CLIP2: variants seen among roughly 807,000 people sequenced by gnomAD.
CLIP2 encodes CAP-Gly domain-containing linker protein 2.
CLIP2 carries 41 observed loss-of-function variants against 111.7 expected under a neutral mutation model. The ratio of observed to expected loss-of-function variants is 0.37; its 90% CI spans 0.29 to 0.48. CLIP2 has a LOEUF of 0.48. Ranked by LOEUF, CLIP2 falls within the 20% of genes least tolerant of loss-of-function variation. CLIP2 has a pLI of 0.99. For missense variants in CLIP2, 1,160 were observed against 1,422.1 expected (o/e 0.82, Z 2.96); for synonymous variants, 660 against 644.2 (o/e 1.02, Z -0.37).
rs1163550934 is a variant in CLIP2, at chr7:74,323,061, C to CT, written c.121+5398dup. 2.7e-5 allele frequency among the ~76,000 whole-genome samples: 4 copies of CT among 150,424 alleles called. No individual in the cohort carries two copies. The East Asian group carries it at 7.8e-4, about 29-fold the overall frequency. On this transcript the variant is annotated intron_variant, in intron 2 of 16. Transcript: ENST00000223398. Reference sequence around the variant, plus strand: ...CTTTTAAAACTTATTTTTACTGTACCTTTTCTATGTTTAGCTATGTTTTAT... The same window carrying CT: ...CTTTTAAAACTTATTTTTACTGTACCTTTTTCTATGTTTAGCTATGTTTTAT...
In CLIP2 at chr7:74,300,313, G is replaced by A. The variant is rs937060570; in HGVS notation, c.-68+10579G>A. On this transcript the variant is annotated intron_variant, in intron 1 of 16. Transcript: ENST00000223398. Reference sequence around the variant, plus strand: ...CTTCCCACCTTTTGTAGTCTCCAGCGTCTATTATTCCCCTCTGTATTTTCA... The same window carrying A: ...CTTCCCACCTTTTGTAGTCTCCAGCATCTATTATTCCCCTCTGTATTTTCA... Among the ~76,000 whole-genome samples, 3 of 151,846 alleles carry A rather than the reference G, an allele frequency of 2.0e-5. No homozygotes were observed. The East Asian group carries it at 5.8e-4, about 29-fold the overall frequency.
intron 13 of CLIP2, among the ~76,000 whole-genome samples, chr7:74,391,942 C>T (rs1210724165): frequency 1.3e-5 from 2 of 152,150 alleles, no homozygotes; most frequent in Non-Finnish European, 2.9e-5. Flanking sequence ...CATGGTGGCT[C>T]ACACCTGAAA....
Position 74,338,217 on chromosome 7 carries a change from AGG to A in CLIP2, c.122-228_122-227del, listed in dbSNP as rs1789533795. On this transcript the variant is annotated intron_variant, in intron 2 of 16. Coordinates refer to ENST00000223398, the MANE Select transcript of CLIP2 (RefSeq NM_003388.5). The surrounding 1 kb of genome is among the most constrained non-coding windows in gnomAD (Gnocchi z 4.3). ...ACCCTGTCTCAAAAAGTAAATAAAC[AGG>A]GGTTGGGTGTGGTGCCTCACGCCTG... 3.7e-5 allele frequency among the ~76,000 whole-genome samples: 1 copy of A among 26,714 alleles called. No homozygotes were observed. The highest frequency in any genetic ancestry group is 1.5e-3 in the South Asian group (1 of 678). 17.5% of individuals were successfully genotyped at this position (26,714 alleles called of 152,430 possible).
In CLIP2 at chr7:74,400,571, CAG is replaced by C. The variant is rs781952330; in HGVS notation, c.3066+17_3066+18del. The C allele has an allele frequency of 1.1e-5, 17 of 1,521,496 alleles. No individual in the cohort carries two copies. In the East Asian group the frequency reaches 3.9e-4, roughly 35 times the overall value. 94.2% of individuals were successfully genotyped at this position (1,521,496 alleles called of 1,614,324 possible). A position where few individuals can be genotyped will look rare whatever the true frequency, so the allele number is the denominator to read the frequency against. ...CAAGGCCCAGGTGAGCCGCGGCTGA[CAG>C]GGCCCACCAGGAGGCAAGCCACGGG... is the stretch of plus-strand genomic sequence containing the variant. On this transcript the variant is annotated intron_variant, in intron 15 of 16. Coordinates refer to ENST00000223398, the MANE Select transcript of CLIP2 (RefSeq NM_003388.5).
At chr7:74,303,184 C>G (rs1296219605) in intron 1 of CLIP2, among the ~76,000 whole-genome samples, 1 of 152,226 alleles carries the variant, frequency 6.6e-6, no homozygotes, top group Non-Finnish European at 1.5e-5. Context: ...TCTTCTTGCC[C>G]TGGTCAGGGA....
rs576052929 is a variant in CLIP2 at position 74,373,739 on chromosome 7, C to G, written c.1485+703C>G. On this transcript the variant is annotated intron_variant, in intron 9 of 16. Transcript: ENST00000223398. ...AGACCTAGAAACCACTGATCCATGT[C>G]TCCTGTCTCCCCAGCTGAGGAGGCT... Among the ~76,000 whole-genome samples, 12 of 152,222 alleles carry G rather than the reference C, an allele frequency of 7.9e-5. No homozygotes were observed. The East Asian group carries it at 2.3e-3, about 29-fold the overall frequency.
intron 3 of CLIP2, among the ~76,000 whole-genome samples, chr7:74,351,154 A>C (rs1789984281): frequency 6.6e-6 from 1 of 150,954 alleles, no homozygotes; most frequent in African/African-American, 2.4e-5. Flanking sequence ...AGAGAGAGAA[A>C]GAAAGAGAAT....
At chr7:74,388,431 C>T (rs1253645295) in intron 12 of CLIP2, among the ~76,000 whole-genome samples, 3 of 149,866 alleles carry the variant, frequency 2.0e-5, no homozygotes, top group Admixed American at 6.7e-5. Flanking sequence ...ACCTGGGAGG[C>T]GGAGGTTGCA....
chr7:74,322,484 T>C (rs931030601), intron 2 of CLIP2, among the ~76,000 whole-genome samples: 2 of 151,874 alleles, frequency 1.3e-5, no homozygotes, highest in African/African-American at 4.8e-5. Context: ...GGTGGATGCC[T>C]GTAATCCCAG....
At chr7:74,335,712 TCTTC>T (rs1174176768) in intron 2 of CLIP2, among the ~76,000 whole-genome samples, 5 of 150,518 alleles carry the variant, frequency 3.3e-5, no homozygotes, top group Non-Finnish European at 1.5e-5. Context: ...TTTCTTTTTT[TCTTC>T]CTTCCTTCCT....
intron 3 of CLIP2, among the ~76,000 whole-genome samples, chr7:74,348,544 C>T (rs1311468418): frequency 1.3e-5 from 2 of 151,974 alleles, no homozygotes; most frequent in Non-Finnish European, 2.9e-5. Flanking sequence ...AATCCCAGCA[C>T]TTTGGGAGGC....
At chr7:74,383,827 G>C (rs781981463) in intron 11 of CLIP2, among the ~76,000 whole-genome samples, 70 of 152,110 alleles carry the variant, frequency 4.6e-4, no homozygotes, top group Non-Finnish European at 9.3e-4. Flanking sequence ...AAAAGAAAAA[G>C]AAATAAAGAG....
chr7:74,336,142 A>G (rs1789449757), intron 2 of CLIP2, among the ~76,000 whole-genome samples: 1 of 151,518 alleles, frequency 6.6e-6, no homozygotes, highest in Admixed American at 6.6e-5. Context: ...ATCTTGGCTC[A>G]CTGCAACCTC....
At chr7:74,336,325 C>T (rs1554732098) in intron 2 of CLIP2, among the ~76,000 whole-genome samples, 2 of 152,044 alleles carry the variant, frequency 1.3e-5, no homozygotes, top group African/African-American at 2.4e-5. Flanking sequence ...ACCTTGGCCC[C>T]GCAAAGTGCT....
intron 16 of CLIP2, among the ~76,000 whole-genome samples, chr7:74,402,657 A>T (rs1791653676): frequency 6.6e-6 from 1 of 152,092 alleles, no homozygotes; most frequent in Non-Finnish European, 1.5e-5. Context: ...GCGCCACTGC[A>T]CTCCAGCCTT....
intron 2 of CLIP2, among the ~76,000 whole-genome samples, chr7:74,321,525 A>AGTG (rs1197213994): frequency 6.6e-6 from 1 of 152,072 alleles, no homozygotes; most frequent in Non-Finnish European, 1.5e-5. Context: ...GCTGGAGTGC[A>AGTG]GTGGTGCGAT....
In CLIP2 at chr7:74,338,436, CCTT is replaced by C. The variant is rs782468557; in HGVS notation, c.122-9_122-7del. 208 of 1,611,182 alleles carry C rather than the reference CCTT, an allele frequency of 1.3e-4. No homozygotes were observed. Among genetic ancestry groups the C allele is most frequent in the Non-Finnish European group, 1.7e-4 (200 of 1,179,316 alleles). ...CAGCCACCTCTTTCCCTTTCCCTCT[CCTT>C]CTCTGCAGGCTCCCCACTGCACAAA... On this transcript the variant is annotated splice_polypyrimidine_tract_variant and intron_variant, in intron 2 of 16. Transcript: ENST00000223398. The surrounding 1 kb of genome is among the most constrained non-coding windows in gnomAD (Gnocchi z 4.3).
rs529585022 is a variant in CLIP2 at position 74,384,217 on chromosome 7, A to C, written c.2480-2304A>C. ...ACAACAACAACGACAACAAAACAAA[A>C]CAAAAAAGAACCTCATTCTTTTTTG... On this transcript the variant is annotated intron_variant, in intron 11 of 16. Coordinates refer to ENST00000223398, the MANE Select transcript of CLIP2 (RefSeq NM_003388.5). Among the ~76,000 whole-genome samples, 31 of 151,938 alleles carry C rather than the reference A, an allele frequency of 2.0e-4. 1 individual carries two copies. In the East Asian group the frequency reaches 5.2e-3, roughly 26 times the overall value.
intron 3 of CLIP2, among the ~76,000 whole-genome samples, chr7:74,348,586 G>A (rs889547573): frequency 6.6e-6 from 1 of 151,530 alleles, no homozygotes; most frequent in Admixed American, 6.6e-5. Flanking sequence ...TCAGGAGATC[G>A]AGACCATCCT....
Sources: gnomAD v4.1 joint callset for allele counts (sites outside exome capture counted in the v4.1 genomes callset) on GRCh38, gnomAD v4.1.1 for gene constraint, Gnocchi (gnomAD v3.1) non-coding constraint, MANE v1.5 for transcripts, NCBI Gene and HGNC (gene_info 2026-07-23, HGNC 2026-07-21) for gene names.